The following ROBO2 variants were observed in gnomAD, a reference collection of about 807,000 sequenced individuals.
The protein encoded by ROBO2 is roundabout guidance receptor 2.
A neutral mutation model predicts 160.8 loss-of-function variants in ROBO2; 53 were observed. The observed-to-expected ratio is 0.33, with a 90% CI of 0.26 to 0.41. The LOEUF (loss-of-function observed/expected upper bound fraction) is 0.41. Among genes scored for constraint, ROBO2 ranks in the 10% least tolerant of loss-of-function variants. The pLI is 1.00. For synonymous variants in ROBO2, 664 were observed against 611.7 expected, an observed-to-expected ratio of 1.09 and a Z score of -1.26; for missense variants, 1,577 against 1,722.4, an observed-to-expected ratio of 0.92 and a Z score of 1.49.
At chr3:76,038,525 G>A (rs1316747128) in intron 2 of ROBO2, among the ~76,000 whole-genome samples, 1 of 151,900 alleles carries the variant, frequency 6.6e-6, no homozygotes, top group African/African-American at 2.4e-5. Context: ...GGTTAGGAAG[G>A]CACAGTCTAC....
chr3:77,284,785 C>T (rs2060472795), intron 2 of ROBO2, among the ~76,000 whole-genome samples: 1 of 151,988 alleles, frequency 6.6e-6, no homozygotes, highest in Admixed American at 6.6e-5. Context: ...TATCATCCCC[C>T]AATAGGCTGT....
At chr3:76,016,232 T>A (rs370791270) in intron 2 of ROBO2, among the ~76,000 whole-genome samples, 1 of 151,836 alleles carries the variant, frequency 6.6e-6, no homozygotes, top group African/African-American at 2.4e-5. Flanking sequence ...TTTTTTTTAA[T>A]GGCACGCATC....
intron 2 of ROBO2, among the ~76,000 whole-genome samples, chr3:76,426,417 T>C (rs2076222256): frequency 6.6e-6 from 1 of 152,064 alleles, no homozygotes; most frequent in Admixed American, 6.6e-5. Flanking sequence ...TGTGGAAATA[T>C]GGAAAGAATA....
intron 2 of ROBO2, among the ~76,000 whole-genome samples, chr3:76,034,617 T>G (rs1229130836): frequency 6.6e-6 from 1 of 152,184 alleles, no homozygotes; most frequent in Non-Finnish European, 1.5e-5. Flanking sequence ...ATTTTGCAGT[T>G]AAATTATACA....
intron 2 of ROBO2, among the ~76,000 whole-genome samples, chr3:77,296,450 G>T (rs2062134144): frequency 6.6e-6 from 1 of 152,158 alleles, no homozygotes; most frequent in Non-Finnish European, 1.5e-5. Context: ...AGGGCACGAA[G>T]TCACACACTG....
At chr3:76,407,267 C>A (rs964390041) in intron 2 of ROBO2, among the ~76,000 whole-genome samples, 1 of 151,920 alleles carries the variant, frequency 6.6e-6, no homozygotes, top group Non-Finnish European at 1.5e-5. Context: ...TGCTCACTTA[C>A]AACAGCCTGT....
chr3:77,556,912 A>T (rs552888716), intron 8 of ROBO2, among the ~76,000 whole-genome samples: 3 of 151,980 alleles, frequency 2.0e-5, no homozygotes, highest in African/African-American at 7.2e-5. Context: ...AAGTTTATAG[A>T]ACTTTCTCTT....
chr3:77,141,856 G>A (rs1175597159), intron 2 of ROBO2, among the ~76,000 whole-genome samples: 1 of 152,156 alleles, frequency 6.6e-6, no homozygotes, highest in Non-Finnish European at 1.5e-5. Context: ...AAAGTCTATT[G>A]TATGAATTGC....
chr3:76,909,432 G>A (rs534262132), intron 2 of ROBO2, among the ~76,000 whole-genome samples: 1 of 152,174 alleles, frequency 6.6e-6, no homozygotes, highest in East Asian at 1.9e-4. Context: ...TCTGGGGAGG[G>A]ATAAAAGATG....
chr3:77,477,890 C>T (rs1333930056), intron 3 of ROBO2, among the ~76,000 whole-genome samples: 2 of 124,300 alleles, frequency 1.6e-5, no homozygotes, highest in African/African-American at 3.2e-5. Context: ...GGCTGGAGTG[C>T]GATCCTGCTC....
intron 2 of ROBO2, among the ~76,000 whole-genome samples, chr3:77,284,045 T>C (rs9713467): frequency 0.14 from 21,225 of 152,188 alleles, 1,789 homozygotes; most frequent in East Asian, 0.36. Context: ...TAAATATTGA[T>C]GTATCAGGGG....
intron 2 of ROBO2, among the ~76,000 whole-genome samples, chr3:77,123,373 A>G (rs1354996138): frequency 6.6e-6 from 1 of 152,184 alleles, no homozygotes; most frequent in African/African-American, 2.4e-5. Flanking sequence ...CTCTGGCTAT[A>G]TAATTCAAGA....
chr3:77,006,341 G>GTT (rs2061579752), intron 2 of ROBO2, among the ~76,000 whole-genome samples: 1 of 151,130 alleles, frequency 6.6e-6, no homozygotes, highest in South Asian at 2.1e-4. Context: ...GTGTGTGTGT[G>GTT]TTCAAGAAAG....
At chr3:77,040,710 T>G in exon 1 of ROBO2, 1 of 1,610,868 alleles carries the variant, frequency 6.2e-7, no homozygotes, top group South Asian at 1.1e-5. Context: ...TACCTCTTTT[T>G]TTGATACTCA....
intron 2 of ROBO2, among the ~76,000 whole-genome samples, chr3:77,307,027 G>A (rs1199707133): frequency 6.6e-6 from 1 of 152,050 alleles, no homozygotes; most frequent in Non-Finnish European, 1.5e-5. Flanking sequence ...TGCCAAAATA[G>A]ATACCTTGTC....
intron 2 of ROBO2, among the ~76,000 whole-genome samples, chr3:76,740,196 A>T (rs531077245): frequency 6.6e-6 from 1 of 152,204 alleles, no homozygotes; most frequent in South Asian, 2.1e-4. Context: ...ATACACTTGT[A>T]CAAGTTCAAT....
At chr3:76,929,383 C>T (rs1210883348) in intron 2 of ROBO2, among the ~76,000 whole-genome samples, 1 of 152,318 alleles carries the variant, frequency 6.6e-6, no homozygotes. Flanking sequence ...GAGACATTTT[C>T]TACTCCTCTT....
At chr3:77,479,860 C>T (rs917789910) in intron 3 of ROBO2, among the ~76,000 whole-genome samples, 1 of 152,152 alleles carries the variant, frequency 6.6e-6, no homozygotes, top group African/African-American at 2.4e-5. Context: ...AATTTTCCAG[C>T]AGGCTAGTTC....
chr3:77,148,615 G>T (rs914451350), intron 2 of ROBO2, among the ~76,000 whole-genome samples: 1 of 152,166 alleles, frequency 6.6e-6, no homozygotes, highest in Non-Finnish European at 1.5e-5. Context: ...TGAAGCACAG[G>T]AGAGATCACT....
Sources: allele counts gnomAD v4.1 joint callset (sites outside exome capture counted in the v4.1 genomes callset), GRCh38; gene constraint gnomAD v4.1.1; transcripts MANE v1.5; gene names NCBI Gene and HGNC (gene_info 2026-07-23, HGNC 2026-07-21).